The following RFX4 variants were observed in gnomAD, a reference collection of about 807,000 sequenced individuals.
RFX4 encodes transcription factor RFX4.
Under a neutral mutation model 95.0 loss-of-function variants are expected in RFX4, and 10 were observed. That is an observed-to-expected ratio of 0.11 (90% CI 0.06 to 0.18). The LOEUF is 0.18. Ranked by LOEUF, RFX4 falls within the 10% of genes least tolerant of loss-of-function variation. The pLI is 1.00. For missense variants in RFX4, 640 were observed against 922.0 expected (o/e 0.69, Z 3.96); for synonymous variants, 321 against 340.7 (o/e 0.94, Z 0.64).
At chr12:106,660,599 TCTAGC>T (rs1446816709) in intron 4 of RFX4, among the ~76,000 whole-genome samples, 1 of 152,056 alleles carries the variant, frequency 6.6e-6, no homozygotes, top group East Asian at 1.9e-4. Context: ...AGAGAACATC[TCTAGC>T]CTACAAATGA....
At chr12:106,708,295 A>G (rs2042125021) in intron 8 of RFX4, among the ~76,000 whole-genome samples, 1 of 151,890 alleles carries the variant, frequency 6.6e-6, no homozygotes, top group Non-Finnish European at 1.5e-5. Context: ...TGAACCAGAC[A>G]GGTAGCTGAG....
At position 106,654,310 on chromosome 12, in the gene RFX4, A is replaced by C. The variant is rs760699022; in HGVS notation, c.274A>C (p.Lys92Gln). The change falls in exon 4 of 18, where the codon AAG becomes CAG. Residue 92 changes from lysine to glutamine, a missense_variant. Lys to Gln is a moderately conservative substitution (Grantham distance 53, BLOSUM62 1). This residue lies in a region of RFX4 where 89 missense variants were observed against 173.8 expected (regional missense o/e 0.51). Coordinates refer to ENST00000392842, the MANE Select transcript of RFX4 (RefSeq NM_213594.3). ...TATGCATTACCTGGATTTCTGCGAG[A>C]AGAATGATACCCAACCTGTCAATGC... Reference protein sequence around the residue: ...LYMHYLDFCEKNDTQPVNAAS... With the variant: ...LYMHYLDFCEQNDTQPVNAAS... 6.2e-6 allele frequency: 10 copies of C among 1,614,098 alleles called. 1 individual carries two copies. In the Admixed American group the frequency reaches 1.7e-4, roughly 27 times the overall value.
chr12:106,591,261 C>CTTTTTTTTTTTTTTTTTTTTT lies in RFX4; in HGVS notation c.43+7898_43+7899insTTTTTTTTTTTTTTTTTTTTT, dbSNP rs1565942195. 3.0e-5 allele frequency among the ~76,000 whole-genome samples: 2 copies of CTTTTTTTTTTTTTTTTTTTTT among 66,466 alleles called. 1 individual carries two copies. 43.6% of individuals were successfully genotyped at this position (66,466 alleles called of 152,430 possible). ...CCTATATGAAAGTGTTAAAATAGTC[C>CTTTTTTTTTTTTTTTTTTTTT]CTTTTTTTTTTTTTTTTTTTTTTTT... On this transcript the variant is annotated intron_variant, in intron 1 of 17. Transcript: ENST00000392842.
intron 15 of RFX4, among the ~76,000 whole-genome samples, chr12:106,737,162 G>GTTTTTTTTTTTTTTTTTTTTTTTT (rs556116618): frequency 1.8e-5 from 1 of 54,890 alleles, no homozygotes; most frequent in Non-Finnish European, 3.5e-5. Context: ...CGGAACTAAA[G>GTTTTTTTTTTTTTTTTTTTTTTTT]TTTTTTTTTT....
Position 106,669,725 on chromosome 12 carries a change from TAGAC to T in RFX4, c.316-12263_316-12260del, listed in dbSNP as rs1419417964. Among the ~76,000 whole-genome samples, 4 of 152,144 alleles carry T rather than the reference TAGAC, an allele frequency of 2.6e-5. No individual in the cohort carries two copies. The East Asian group carries it at 5.8e-4, about 22-fold the overall frequency. ...CTCAAAGGAAAAAAAAATACGTACA[TAGAC>T]AGACTTTCCTTCTACTTTTAATTCT... On this transcript the variant is annotated intron_variant, in intron 4 of 17. Transcript: ENST00000392842.
At chr12:106,674,752 T>A (rs943019923) in intron 4 of RFX4, among the ~76,000 whole-genome samples, 5 of 152,242 alleles carry the variant, frequency 3.3e-5, no homozygotes, top group African/African-American at 1.2e-4. Context: ...GAATGTAAGC[T>A]TCTTGAACAG....
At chr12:106,734,976 C>T (rs1003785274) in intron 15 of RFX4, among the ~76,000 whole-genome samples, 8 of 149,350 alleles carry the variant, frequency 5.4e-5, no homozygotes, top group African/African-American at 1.5e-4. Flanking sequence ...ATCATTTGAT[C>T]GTAGGAGTTC....
chr12:106,665,744 A>T (rs1485104831), intron 4 of RFX4, among the ~76,000 whole-genome samples: 1 of 151,926 alleles, frequency 6.6e-6, no homozygotes, highest in African/African-American at 2.4e-5. Context: ...AAATAATGCT[A>T]TGCCACTTCA....
rs1402091630 is a variant in RFX4, at chr12:106,733,019, G to C, written c.1567G>C (p.Glu523Gln). 9 of 1,614,130 alleles carry C rather than the reference G, an allele frequency of 5.6e-6. No homozygotes were observed. Among genetic ancestry groups the C allele is most frequent in the Middle Eastern group, 1.6e-4 (1 of 6,062 alleles). ...FSPAKSATSVEVPPPSSPVSN... is the reference protein window; with the variant it reads ...FSPAKSATSVQVPPPSSPVSN... Reference sequence around the variant, plus strand: ...TCCAGCAAAATCTGCCACATCTGTGGAAGTGCCACCTCCCTCTTCCCCTGT... The same window carrying C: ...TCCAGCAAAATCTGCCACATCTGTGCAAGTGCCACCTCCCTCTTCCCCTGT... The change falls in exon 15 of 18, where the codon GAA becomes CAA. Residue 523 changes from glutamate (E) to glutamine (Q), a missense_variant. By Grantham distance (29) the Glu-to-Gln change is conservative. Coordinates refer to ENST00000392842, the MANE Select transcript of RFX4 (RefSeq NM_213594.3).
At chr12:106,645,079 T>C (rs1411123827) in intron 3 of RFX4, among the ~76,000 whole-genome samples, 1 of 142,074 alleles carries the variant, frequency 7.0e-6, no homozygotes, top group Admixed American at 7.4e-5. Flanking sequence ...TAAGAACAAA[T>C]AATACAGCAG....
chr12:106,616,280 A>G (rs1351230439), intron 2 of RFX4, among the ~76,000 whole-genome samples: 1 of 152,182 alleles, frequency 6.6e-6, no homozygotes, highest in Non-Finnish European at 1.5e-5. Context: ...TTGAATGTTA[A>G]GCCAATCATG....
intron 8 of RFX4, among the ~76,000 whole-genome samples, chr12:106,706,500 A>G (rs1269993980): frequency 6.6e-6 from 1 of 152,152 alleles, no homozygotes; most frequent in Admixed American, 6.5e-5. Context: ...TGGAAGCAAA[A>G]TCTGTAATAT....
intron 8 of RFX4, among the ~76,000 whole-genome samples, chr12:106,708,304 A>T (rs2042125337): frequency 6.6e-6 from 1 of 151,734 alleles, no homozygotes; most frequent in Middle Eastern, 3.4e-3. Context: ...CAGGTAGCTG[A>T]GTGCTGATGA....
chr12:106,712,676 C>T (rs2042214488), intron 10 of RFX4, among the ~76,000 whole-genome samples: 1 of 152,136 alleles, frequency 6.6e-6, no homozygotes, highest in Non-Finnish European at 1.5e-5. Context: ...GGAAACTCAT[C>T]CAGATTCATG....
intron 2 of RFX4, among the ~76,000 whole-genome samples, chr12:106,617,870 G>A (rs1292789895): frequency 1.3e-5 from 2 of 152,080 alleles, no homozygotes; most frequent in African/African-American, 2.4e-5. Context: ...GGGATTACAG[G>A]TGCCTGTCAC....
At chr12:106,704,592 C>A (rs1163352847) in intron 8 of RFX4, among the ~76,000 whole-genome samples, 5 of 152,182 alleles carry the variant, frequency 3.3e-5, no homozygotes, top group Non-Finnish European at 5.9e-5. Context: ...CTCCCCACCC[C>A]CTAGCTCAGA....
At chr12:106,635,662 T>C (rs994702524) in intron 2 of RFX4, among the ~76,000 whole-genome samples, 5 of 152,150 alleles carry the variant, frequency 3.3e-5, no homozygotes, top group Non-Finnish European at 4.4e-5. Context: ...TTGCTCAGTA[T>C]TATAATTTCT....
intron 8 of RFX4, among the ~76,000 whole-genome samples, chr12:106,706,585 T>G (rs969712265): frequency 6.6e-6 from 1 of 152,204 alleles, no homozygotes; most frequent in African/African-American, 2.4e-5. Context: ...AAATTGTAAC[T>G]GAATTAATCA....
At chr12:106,584,774 A>T (rs992231426) in intron 1 of RFX4, among the ~76,000 whole-genome samples, 1 of 152,198 alleles carries the variant, frequency 6.6e-6, no homozygotes, top group African/African-American at 2.4e-5. Flanking sequence ...GTTTTAGGGT[A>T]GTTGTCGATC....
Sources: gnomAD v4.1 joint callset for allele counts (sites outside exome capture counted in the v4.1 genomes callset) on GRCh38, gnomAD v4.1.1 for gene constraint, gnomAD v4.1.1 regional missense constraint, MANE v1.5 for transcripts, NCBI Gene and HGNC (gene_info 2026-07-23, HGNC 2026-07-21) for gene names.